EZH2: variants seen among roughly 807,000 people sequenced by gnomAD.
EZH2 encodes enhancer of zeste 2 polycomb repressive complex 2 subunit, also known as histone-lysine N-methyltransferase EZH2.
A neutral mutation model predicts 98.4 loss-of-function variants in EZH2; 18 were observed. That is an observed-to-expected ratio of 0.18 (90% CI 0.13 to 0.27). The LOEUF is 0.27. Among genes scored for constraint, EZH2 ranks in the 10% least tolerant of loss-of-function variants. The pLI, the probability that EZH2 is intolerant of heterozygous loss-of-function variation, is 1.00. For missense variants in EZH2, 470 were observed against 935.1 expected, an observed-to-expected ratio of 0.50 and a Z score of 6.49; for synonymous variants, 338 against 312.3, an observed-to-expected ratio of 1.08 and a Z score of -0.87.
chr7:148,876,392 C>T (rs1396109424), intron 1 of EZH2: 1 of 152,112 alleles, frequency 6.6e-6, no homozygotes, highest in East Asian at 1.9e-4. Context: ...GGTGCAGGTG[C>T]ATACATTTGT....
intron 1 of EZH2, among the ~76,000 whole-genome samples, chr7:148,850,936 G>C: frequency 6.6e-6 from 1 of 152,100 alleles, no homozygotes; most frequent in East Asian, 1.9e-4. Context: ...TGTTACAAAA[G>C]TTACGTAGCT....
chr7:148,814,067 A>T lies in EZH2; in HGVS notation c.1743T>A (p.Ala581=), dbSNP rs1245741977. ...AGAGGTCAGGGTCACACTCTCGGAC[A>T]GCCAGGTAGCACGGGCACTGCTTGG... ...CNTKQCPCYL[A]VRECDPDLCL... Residue 581 remains alanine (A), a synonymous_variant, in exon 15 of 20, where the codon GCT becomes GCA. Coordinates refer to ENST00000320356, the MANE Select transcript of EZH2 (RefSeq NM_004456.5). The T allele has an allele frequency of 1.2e-6, 2 of 1,614,234 alleles. No homozygotes were observed. Among genetic ancestry groups the T allele is most frequent in the Admixed American group, 3.3e-5 (2 of 60,028 alleles).
intron 3 of EZH2, among the ~76,000 whole-genome samples, chr7:148,845,147 TAATTTCTCCA>T (rs981603927): frequency 1.3e-5 from 2 of 152,234 alleles, no homozygotes; most frequent in Admixed American, 1.3e-4. Flanking sequence ...TGAATCTACC[TAATTTCTCCA>T]AATTTCTAAG....
chr7:148,807,420 G>GTACC lies in EZH2; in HGVS notation c.*222_*225dup, dbSNP rs1327581661. 1.2e-4 allele frequency: 62 copies of GTACC among 531,346 alleles called. No individual in the cohort carries two copies. Among genetic ancestry groups the GTACC allele is most frequent in the Admixed American group, 4.6e-4 (14 of 30,300 alleles). 32.9% of individuals were successfully genotyped at this position (531,346 alleles called of 1,614,324 possible). A position where few individuals can be genotyped will look rare whatever the true frequency, so the allele number is the denominator to read the frequency against. ...TATTCTTTATTCAAAGTTGAAAAAT[G>GTACC]TACCATACTGCATTATTGCAAAAAT... On this transcript the variant is annotated 3_prime_UTR_variant, in exon 20 of 20. Transcript: ENST00000320356.
rs990847755 is a variant in EZH2 at position 148,809,114 on chromosome 7, T to C, written c.2152A>G (p.Lys718Glu). Residue 718 changes from lysine to glutamate, a missense_variant, in exon 19 of 20, where the codon AAG (lysine) becomes GAG (glutamate). By Grantham distance (56) the Lys-to-Glu change is moderately conservative (BLOSUM62 1). Around this residue, in one of 6 missense-constraint regions of EZH2, gnomAD observed 106 missense variants for 327.2 expected, o/e 0.32. Transcript: ENST00000320356. ...TCTTCGCCAGTCTGGATGGCTCTCT[T>C]GGCAAAAATACCTATCCTGTGATCA... Reference protein sequence around the residue: ...NGDHRIGIFAKRAIQTGEELF... With the variant: ...NGDHRIGIFAERAIQTGEELF... 1.2e-6 allele frequency: 2 copies of C among 1,614,114 alleles called. No individual in the cohort carries two copies. The highest frequency in any genetic ancestry group is 1.7e-6 in the Non-Finnish European group (2 of 1,180,056).
intron 1 of EZH2, among the ~76,000 whole-genome samples, chr7:148,871,920 T>C (rs577912718): frequency 1.2e-4 from 19 of 152,120 alleles, no homozygotes; most frequent in Non-Finnish European, 2.1e-4. Context: ...AATCCACTTA[T>C]AGATGGATCC....
intron 4 of EZH2, among the ~76,000 whole-genome samples, chr7:148,832,018 C>T (rs764689101): frequency 1.3e-5 from 2 of 152,146 alleles, no homozygotes; most frequent in Non-Finnish European, 2.9e-5. Context: ...AATAAGTTCT[C>T]AATTAACAAA....
chr7:148,863,434 T>C (rs1017693665), intron 1 of EZH2, among the ~76,000 whole-genome samples: 2 of 152,162 alleles, frequency 1.3e-5, no homozygotes, highest in Non-Finnish European at 2.9e-5. Flanking sequence ...AAGAGACTAA[T>C]ATCTACTAAA....
chr7:148,827,150 G>C lies in EZH2; in HGVS notation c.728+14C>G. The C allele has an allele frequency of 6.2e-7, 1 of 1,602,548 alleles. No individual in the cohort carries two copies. Among genetic ancestry groups the C allele is most frequent in the Non-Finnish European group, 8.5e-7 (1 of 1,173,062 alleles). Reference sequence around the variant, plus strand: ...CATACAGGGCAAGATTGCCTCAAAGGAACAAATTCTTACTTTTCCTTTAGT... The same window carrying C: ...CATACAGGGCAAGATTGCCTCAAAGCAACAAATTCTTACTTTTCCTTTAGT... On this transcript the variant is annotated intron_variant, in intron 7 of 19. Coordinates refer to ENST00000320356, the MANE Select transcript of EZH2 (RefSeq NM_004456.5).
At chr7:148,826,412 T>C in intron 8 of EZH2, 42 bp downstream of exon 8, 1 of 1,474,594 alleles carries the variant, frequency 6.8e-7, no homozygotes, top group Non-Finnish European at 9.1e-7. Context: ...CAAGCTGCTT[T>C]AAAACATAAT....
At chr7:148,830,052 G>GA (rs969963664) in intron 4 of EZH2, among the ~76,000 whole-genome samples, 6 of 151,894 alleles carry the variant, frequency 4.0e-5, no homozygotes, top group African/African-American at 7.3e-5. Context: ...ACTGTTGACA[G>GA]AAAAAAAATT....
intron 11 of EZH2, 42 bp downstream of exon 11, chr7:148,817,180 T>C (rs1409028521): frequency 5.1e-6 from 8 of 1,572,034 alleles, no homozygotes; most frequent in East Asian, 2.3e-5. Flanking sequence ...TTTATCTCTA[T>C]GTTTGAAGCT....
chr7:148,845,595 A>G (rs1215743378), intron 3 of EZH2, among the ~76,000 whole-genome samples: 8 of 152,232 alleles, frequency 5.3e-5, no homozygotes, highest in African/African-American at 1.9e-4. Flanking sequence ...GGCCTCATAC[A>G]ATAGCAAATT....
At chr7:148,876,669 C>T (rs1406696586) in intron 1 of EZH2, among the ~76,000 whole-genome samples, 1 of 152,162 alleles carries the variant, frequency 6.6e-6, no homozygotes, top group Non-Finnish European at 1.5e-5. Flanking sequence ...CATTCATAAA[C>T]TGGAATACTA....
chr7:148,882,687 T>C (rs1821183541), intron 1 of EZH2, among the ~76,000 whole-genome samples: 1 of 152,176 alleles, frequency 6.6e-6, no homozygotes, highest in Admixed American at 6.5e-5. Context: ...AGCATTCGTG[T>C]TTTTCAAAGG....
chr7:148,837,940 G>A (rs780987668), intron 3 of EZH2, among the ~76,000 whole-genome samples: 8 of 152,074 alleles, frequency 5.3e-5, no homozygotes, highest in Non-Finnish European at 1.0e-4. Flanking sequence ...CAACACAAGG[G>A]TATTTGCTTC....
chr7:148,877,314 A>T lies in EZH2; in HGVS notation c.-8+6850T>A, dbSNP rs889760966. Among the ~76,000 whole-genome samples, 5 of 152,242 alleles carry T rather than the reference A, an allele frequency of 3.3e-5. No individual in the cohort carries two copies. In the South Asian group the frequency reaches 1.0e-3, roughly 32 times the overall value. ...AAGCGAACACATTTAATCAACAGAC[A>T]TTTCTAAATTGAAATAGATAAAACG... On this transcript the variant is annotated intron_variant, in intron 1 of 19. Coordinates refer to ENST00000320356, the MANE Select transcript of EZH2 (RefSeq NM_004456.5).
chr7:148,861,648 A>T (rs1023832403), intron 1 of EZH2, among the ~76,000 whole-genome samples: 2 of 152,250 alleles, frequency 1.3e-5, no homozygotes, highest in African/African-American at 4.8e-5. Flanking sequence ...ACACATTTTT[A>T]AAAAGAAACT....
In EZH2 at chr7:148,841,125, A is replaced by G. The variant is rs147857030; in HGVS notation, c.246+5345T>C. Among the ~76,000 whole-genome samples the G allele has an allele frequency of 3.9e-3, 590 of 152,248 alleles. 2 individuals carry two copies. The highest frequency in any genetic ancestry group is 0.013 in the African/African-American group (553 of 41,588). On this transcript the variant is annotated intron_variant, in intron 3 of 19. Transcript: ENST00000320356. ...TAATCAAATTTAAAATATAAACATA[A>G]TAAATGACATGTATTTAATATATGA... is the stretch of plus-strand genomic sequence containing the variant.
Sources: gnomAD v4.1 joint callset for allele counts (sites outside exome capture counted in the v4.1 genomes callset) on GRCh38, gnomAD v4.1.1 for gene constraint, gnomAD v4.1.1 regional missense constraint, MANE v1.5 for transcripts, NCBI Gene and HGNC (gene_info 2026-07-23, HGNC 2026-07-21) for gene names.